CCDC149: variants seen among roughly 807,000 people sequenced by gnomAD.
CCDC149 encodes coiled-coil domain containing 149, also known as coiled-coil domain-containing protein 149.
In CCDC149, 45 loss-of-function variants were observed where a neutral mutation model predicts 59.9. That is an observed-to-expected ratio of 0.75 (90% CI 0.59 to 0.96). CCDC149 has a LOEUF of 0.96. Among genes scored for constraint, CCDC149 ranks in the 40% least tolerant of loss-of-function variants. The pLI, the probability that CCDC149 is intolerant of heterozygous loss-of-function variation, is 0.00. For synonymous variants in CCDC149, 245 were observed against 260.6 expected (o/e 0.94, Z 0.58); for missense variants, 584 against 664.7 (o/e 0.88, Z 1.33).
chr4:24,900,755 G>A (rs1721119402), intron 1 of CCDC149, among the ~76,000 whole-genome samples: 1 of 152,244 alleles, frequency 6.6e-6, no homozygotes, highest in Non-Finnish European at 1.5e-5. Flanking sequence ...TTGGCATCAT[G>A]GAGGATTTTA....
At chr4:24,825,451 C>T (rs551241465) in intron 9 of CCDC149, among the ~76,000 whole-genome samples, 24 of 152,054 alleles carry the variant, frequency 1.6e-4, no homozygotes, top group Admixed American at 3.3e-4. Flanking sequence ...ACACAGCTGG[C>T]GAGCAGAGGG....
At chr4:24,956,045 T>A in intron 1 of CCDC149, among the ~76,000 whole-genome samples, 1 of 152,194 alleles carries the variant, frequency 6.6e-6, no homozygotes, top group East Asian at 1.9e-4. Context: ...TATATTAGAC[T>A]CTAGCGGTGG....
At chr4:24,926,417 A>G (rs1722434532) in intron 1 of CCDC149, among the ~76,000 whole-genome samples, 1 of 152,176 alleles carries the variant, frequency 6.6e-6, no homozygotes, top group Non-Finnish European at 1.5e-5. Context: ...CAGATAACAT[A>G]TTCCTCAGTT....
intron 1 of CCDC149, among the ~76,000 whole-genome samples, chr4:24,979,892 G>A (rs183566611): frequency 1.3e-5 from 2 of 152,270 alleles, no homozygotes; most frequent in East Asian, 1.9e-4. Flanking sequence ...GAATCCACCC[G>A]AGAATCTTGT....
At chr4:24,926,909 G>A (rs1203076797) in intron 1 of CCDC149, among the ~76,000 whole-genome samples, 29 of 152,124 alleles carry the variant, frequency 1.9e-4, no homozygotes, top group Non-Finnish European at 1.5e-5. Context: ...TAGCTTCCTC[G>A]CAGCATGGCA....
At chr4:24,940,552 C>T (rs1722922925) in intron 1 of CCDC149, among the ~76,000 whole-genome samples, 1 of 152,098 alleles carries the variant, frequency 6.6e-6, no homozygotes, top group African/African-American at 2.4e-5. Context: ...ACAATATTAA[C>T]CTTAAATGTA....
intron 1 of CCDC149, among the ~76,000 whole-genome samples, chr4:24,955,536 TAAAG>T (rs1442928103): frequency 4.6e-5 from 7 of 152,114 alleles, no homozygotes; most frequent in Non-Finnish European, 5.9e-5. Flanking sequence ...TCAGCCTTAA[TAAAG>T]AAAGAAACAC....
At chr4:24,913,966 C>G (rs1722041299), upstream of CCDC149, among the ~76,000 whole-genome samples, 1 of 152,204 alleles carries the variant, frequency 6.6e-6, no homozygotes, top group Non-Finnish European at 1.5e-5. Flanking sequence ...AGTGAGCCCT[C>G]TGTACTCGCA....
At chr4:24,808,937 C>T (rs923127459) in intron 12 of CCDC149, 118 bp from the exon 13 acceptor site, 1 of 985,500 alleles carries the variant, frequency 1.0e-6, no homozygotes, top group Non-Finnish European at 1.5e-6. Flanking sequence ...AGGAGCAAGA[C>T]TTTTTTGGCT....
rs139144899 is a variant in CCDC149 at position 24,921,234 on chromosome 4, A to T, written c.-64-26116T>A. ...AGCAGGTGACATGTCCCTGCATCTAATCTTTACAACACTGTATAATTATCT... is the reference window on the plus strand; with the variant it reads ...AGCAGGTGACATGTCCCTGCATCTATTCTTTACAACACTGTATAATTATCT... On this transcript the variant is annotated intron_variant, in intron 1 of 12. Transcript: ENST00000389609. Among the ~76,000 whole-genome samples the T allele has an allele frequency of 1.1e-4, 17 of 152,340 alleles. No homozygotes were observed. The East Asian group carries it at 2.1e-3, about 19-fold the overall frequency.
In CCDC149 at chr4:24,883,429, A is replaced by G. The variant is rs188475773; in HGVS notation, c.64-6732T>C. On this transcript the variant is annotated intron_variant, in intron 1 of 12. Transcript: ENST00000635206. Reference sequence around the variant, plus strand: ...TGGACACTTACCCATTCATTCAACAAATACTTGGTGAAAGGAACGAAGAGA... The same window carrying G: ...TGGACACTTACCCATTCATTCAACAGATACTTGGTGAAAGGAACGAAGAGA... Among the ~76,000 whole-genome samples, 613 of 150,936 alleles carry G rather than the reference A, an allele frequency of 4.1e-3. 3 individuals carry two copies. Among genetic ancestry groups the G allele is most frequent in the African/African-American group, 0.014 (588 of 41,030 alleles).
At chr4:24,948,025 C>G (rs1723171117) in intron 1 of CCDC149, among the ~76,000 whole-genome samples, 1 of 152,114 alleles carries the variant, frequency 6.6e-6, no homozygotes, top group Non-Finnish European at 1.5e-5. Flanking sequence ...ATAGGGAGAG[C>G]CTTCGTTCCC....
intron 3 of CCDC149, among the ~76,000 whole-genome samples, chr4:24,872,640 G>A (rs1488764728): frequency 1.3e-5 from 2 of 148,438 alleles, no homozygotes; most frequent in Non-Finnish European, 3.0e-5. Context: ...CCCACTGAAT[G>A]GTATGCACCC....
intron 1 of CCDC149, among the ~76,000 whole-genome samples, chr4:24,972,184 A>G (rs1723987544): frequency 6.6e-6 from 1 of 152,208 alleles, no homozygotes; most frequent in East Asian, 1.9e-4. Context: ...GAGTTTGACT[A>G]TTTTCACAGA....
At chr4:24,890,930 T>C (rs1408836913) in intron 1 of CCDC149, among the ~76,000 whole-genome samples, 2 of 152,248 alleles carry the variant, frequency 1.3e-5, no homozygotes, top group African/African-American at 4.8e-5. Flanking sequence ...AACACAGTCT[T>C]TCTCTCTGGA....
intron 1 of CCDC149, among the ~76,000 whole-genome samples, chr4:24,946,188 C>T (rs1723105632): frequency 1.3e-5 from 2 of 152,158 alleles, no homozygotes; most frequent in Admixed American, 1.3e-4. Context: ...TTTCTTCTTC[C>T]CAGTGCTGTG....
intron 1 of CCDC149, among the ~76,000 whole-genome samples, chr4:24,893,769 C>G (rs1056737777): frequency 2.0e-5 from 3 of 151,772 alleles, no homozygotes; most frequent in Non-Finnish European, 4.4e-5. Flanking sequence ...AGGCACCCAC[C>G]ACCATGCCCA....
intron 1 of CCDC149, among the ~76,000 whole-genome samples, chr4:24,901,004 AG>A (rs755561744): frequency 6.0e-4 from 91 of 152,342 alleles, no homozygotes; most frequent in Non-Finnish European, 9.8e-4. Context: ...CCACCACTGA[AG>A]GTTTCCGAGT....
At chr4:24,893,662 G>A (rs1240220400) in intron 1 of CCDC149, among the ~76,000 whole-genome samples, 1 of 107,002 alleles carries the variant, frequency 9.3e-6, no homozygotes, top group Non-Finnish European at 1.7e-5. Context: ...TGTCAATCAG[G>A]CTGGAGTGGA....
Sources: gnomAD v4.1 joint callset for allele counts (sites outside exome capture counted in the v4.1 genomes callset) on GRCh38, gnomAD v4.1.1 for gene constraint, MANE v1.5 for transcripts, NCBI Gene and HGNC (gene_info 2026-07-23, HGNC 2026-07-21) for gene names.